The following BCL2L14 variants were observed in gnomAD, a reference collection of about 807,000 sequenced individuals.
BCL2L14 encodes the protein BCL2 like 14, also known as apoptosis facilitator Bcl-2-like protein 14.
A neutral mutation model predicts 35.3 loss-of-function variants in BCL2L14; 27 were observed. That is an observed-to-expected ratio of 0.76 (90% CI 0.56 to 1.05). BCL2L14 has a LOEUF of 1.05. Among genes scored for constraint, BCL2L14 ranks in the 50% least tolerant of loss-of-function variants. The probability of loss-of-function intolerance (pLI) is 0.00; values close to 1 mark genes in which losing one functional copy is unlikely to be tolerated. For missense variants in BCL2L14, 377 were observed against 382.6 expected (o/e 0.99, Z 0.12); for synonymous variants, 139 against 145.9 (o/e 0.95, Z 0.34).
At chr12:12,084,178 C>G (rs760669993) in intron 2 of BCL2L14, among the ~76,000 whole-genome samples, 1 of 152,150 alleles carries the variant, frequency 6.6e-6, no homozygotes, top group African/African-American at 2.4e-5. Context: ...AGGCTGGTCT[C>G]GAACTCCTGG....
chr12:12,078,080 T>G (rs1440315982), intron 1 of BCL2L14: 1 of 299,724 alleles, frequency 3.3e-6, no homozygotes, highest in East Asian at 8.5e-5. Flanking sequence ...GTTTTAGTGC[T>G]TGTACTGATC....
intron 5 of BCL2L14, chr12:12,095,899 T>A (rs1949303725): frequency 1.0e-6 from 1 of 985,358 alleles, no homozygotes; most frequent in Non-Finnish European, 1.2e-6. Context: ...TGCACCAAGT[T>A]TGATAACCCT....
intron 1 of BCL2L14, among the ~76,000 whole-genome samples, chr12:12,076,780 G>A (rs937084199): frequency 2.6e-5 from 4 of 152,210 alleles, no homozygotes; most frequent in African/African-American, 7.2e-5. Context: ...CCTCTTCTAA[G>A]TAAAGGAGAG....
At chr12:12,065,727 C>T (rs778007630) in intron 2 of BCL2L14, among the ~76,000 whole-genome samples, 26 of 151,774 alleles carry the variant, frequency 1.7e-4, no homozygotes, top group Non-Finnish European at 3.1e-4. Flanking sequence ...TTGTCTCCAG[C>T]GACTGAGAAT....
intron 2 of BCL2L14, among the ~76,000 whole-genome samples, chr12:12,057,511 A>C (rs938470569): frequency 6.6e-6 from 1 of 152,146 alleles, no homozygotes. Context: ...TAATCCCAGC[A>C]CTTTGGGAGG....
chr12:12,094,625 C>A (rs1949270209), intron 4 of BCL2L14, 39 bp from the exon 5 acceptor site: 2 of 1,614,164 alleles, frequency 1.2e-6, no homozygotes, highest in Middle Eastern at 1.6e-4. Context: ...CCTCGTGGAG[C>A]CAAGCTACTG....
rs539198572 is a variant in BCL2L14, at chr12:12,094,659, C to T, written c.679-5C>T. On this transcript the variant is annotated splice_region_variant and splice_polypyrimidine_tract_variant and intron_variant, in intron 4 of 5. Transcript: ENST00000308721. ...TGTACTGAGTGCTTATTCTTTTGTACACAGCTGAAGAAAGATAAGGCTTTG... is the reference window on the plus strand; with the variant it reads ...TGTACTGAGTGCTTATTCTTTTGTATACAGCTGAAGAAAGATAAGGCTTTG... 6.2e-6 allele frequency: 10 copies of T among 1,614,120 alleles called. No individual in the cohort carries two copies. Among genetic ancestry groups the T allele is most frequent in the Middle Eastern group, 1.6e-4 (1 of 6,062 alleles).
intron 2 of BCL2L14, among the ~76,000 whole-genome samples, chr12:12,084,187 G>T (rs1256969191): frequency 6.6e-6 from 1 of 152,154 alleles, no homozygotes; most frequent in Non-Finnish European, 1.5e-5. Context: ...TCGAACTCCT[G>T]GCCTAAAATG....
At chr12:12,073,321 T>G (rs937317095) in intron 1 of BCL2L14, among the ~76,000 whole-genome samples, 14 of 152,328 alleles carry the variant, frequency 9.2e-5, no homozygotes, top group Admixed American at 9.2e-4. Flanking sequence ...TCCTGAGCAC[T>G]GTTCTTTCTC....
At position 12,087,237 on chromosome 12, in the gene BCL2L14, T is replaced by C. The variant is rs781610115; in HGVS notation, c.458T>C (p.Ile153Thr). 4 of 1,614,192 alleles carry C rather than the reference T, an allele frequency of 2.5e-6. No individual in the cohort carries two copies. The highest frequency in any genetic ancestry group is 2.2e-5 in the South Asian group (2 of 91,078). ...HEAVDPKVIS[I>T]ANRVAEIVYS... is the part of the protein sequence containing the mutation. ...GCTGTGGACCCCAAAGTCATTTCCA[T>C]TGCCAACCGAGTAGCTGAAATTGTT... Residue 153 changes from isoleucine (I) to threonine (T), a missense_variant, in exon 3 of 6, where the codon ATT (isoleucine) becomes ACT (threonine). Transcript: ENST00000308721.
At chr12:12,085,692 C>A (rs1949027744) in intron 2 of BCL2L14, among the ~76,000 whole-genome samples, 1 of 152,102 alleles carries the variant, frequency 6.6e-6, no homozygotes, top group African/African-American at 2.4e-5. Flanking sequence ...GGCTGGAGGG[C>A]TGAAGGGAGG....
chr12:12,063,273 T>G (rs1948552209), intron 2 of BCL2L14, among the ~76,000 whole-genome samples: 1 of 151,178 alleles, frequency 6.6e-6, no homozygotes, highest in Non-Finnish European at 1.5e-5. Context: ...CTCTTAACTC[T>G]TGAAGTAAAT....
chr12:12,059,020 CTTCTT>C (rs2136711916), intron 2 of BCL2L14, among the ~76,000 whole-genome samples: 1 of 152,340 alleles, frequency 6.6e-6, no homozygotes, highest in Admixed American at 6.5e-5. Context: ...CAATCTCTCC[CTTCTT>C]TTAATTTCAG....
At chr12:12,086,817 G>T (rs2136764262) in intron 2 of BCL2L14, among the ~76,000 whole-genome samples, 1 of 152,256 alleles carries the variant, frequency 6.6e-6, no homozygotes, top group South Asian at 2.1e-4. Flanking sequence ...ATGCATGTAG[G>T]GGCTGGCTCT....
intron 1 of BCL2L14, among the ~76,000 whole-genome samples, chr12:12,078,572 G>C (rs147773576): frequency 2.7e-4 from 41 of 152,296 alleles, no homozygotes; most frequent in African/African-American, 9.9e-4. Flanking sequence ...TACGTATGCT[G>C]TCCCAGTTCT....
At chr12:12,085,477 A>C (rs7959374) in intron 2 of BCL2L14, among the ~76,000 whole-genome samples, 1 of 152,132 alleles carries the variant, frequency 6.6e-6, no homozygotes, top group East Asian at 1.9e-4. Flanking sequence ...TACAAAGTGG[A>C]AAGTCTGTTT....
At chr12:12,068,989 T>C (rs1591811894), upstream of BCL2L14, among the ~76,000 whole-genome samples, 1 of 152,078 alleles carries the variant, frequency 6.6e-6, no homozygotes, top group South Asian at 2.1e-4. Flanking sequence ...TTTCAGACAA[T>C]ATAGGGTAAC....
At chr12:12,056,083 GT>G (rs1223056902) in intron 2 of BCL2L14, among the ~76,000 whole-genome samples, 1 of 151,190 alleles carries the variant, frequency 6.6e-6, no homozygotes, top group Non-Finnish European at 1.5e-5. Context: ...GACTCCCAAT[GT>G]TTCCCCTTAG....
At chr12:12,060,344 C>T (rs1948504343) in intron 2 of BCL2L14, among the ~76,000 whole-genome samples, 3 of 123,448 alleles carry the variant, frequency 2.4e-5, no homozygotes, top group South Asian at 3.1e-4. Context: ...GTTCATGGCT[C>T]GTTCGGCAGC....
Sources: gnomAD v4.1 joint callset for allele counts (sites outside exome capture counted in the v4.1 genomes callset) on GRCh38, gnomAD v4.1.1 for gene constraint, MANE v1.5 for transcripts, NCBI Gene and HGNC (gene_info 2026-07-23, HGNC 2026-07-21) for gene names.